Variants in ZSCAN23 observed in about 807,000 individuals in gnomAD.
ZSCAN23 encodes the protein zinc finger and SCAN domain containing 23, also known as zinc finger and SCAN domain-containing protein 23.
In ZSCAN23, 19 loss-of-function variants were observed where a neutral mutation model predicts 19.3. The ratio of observed to expected loss-of-function variants is 0.99; its 90% CI spans 0.69 to 1.45. ZSCAN23 has a LOEUF of 1.45. Among genes scored for constraint, ZSCAN23 ranks in the 40% most tolerant of loss-of-function variants. The pLI is 0.00. For synonymous variants in ZSCAN23, 140 were observed against 166.2 expected, an observed-to-expected ratio of 0.84 and a Z score of 1.21; for missense variants, 372 against 462.5, an observed-to-expected ratio of 0.80 and a Z score of 1.79.
chr6:28,438,307 G>C (rs183399717), intron 1 of ZSCAN23, among the ~76,000 whole-genome samples: 2 of 152,114 alleles, frequency 1.3e-5, no homozygotes, highest in Non-Finnish European at 2.9e-5. Context: ...ATGTTGGCCA[G>C]GCTGGTCTCG....
At chr6:28,439,102 CT>C (rs548029754) in intron 1 of ZSCAN23, among the ~76,000 whole-genome samples, 299 of 145,306 alleles carry the variant, frequency 2.1e-3, no homozygotes, top group Admixed American at 3.7e-3. Context: ...TTTTCCCCCA[CT>C]TTTTTTTTTT....
At chr6:28,425,270 GC>G in the ZSCAN23 span, among the ~76,000 whole-genome samples, 3 of 152,144 alleles carry the variant, frequency 2.0e-5, no homozygotes, top group African/African-American at 7.2e-5. Context: ...TATCGTCCAG[GC>G]TTTGTTGTTC....
chr6:28,427,440 T>C (rs903522714), downstream of ZSCAN23, among the ~76,000 whole-genome samples: 33 of 152,238 alleles, frequency 2.2e-4, 1 homozygote, highest in Admixed American at 2.1e-3. Flanking sequence ...TATCATAGAC[T>C]GTACTTCCAC....
Position 28,434,958 on chromosome 6 carries a change from T to A in ZSCAN23, c.677A>T (p.Tyr226Phe). The A allele has an allele frequency of 6.4e-7, 1 of 1,551,922 alleles. No individual in the cohort carries two copies. Among genetic ancestry groups the A allele is most frequent in the Non-Finnish European group, 8.7e-7 (1 of 1,147,058 alleles). The change falls in exon 4 of 4, where the codon TAT becomes TTT. Residue 226 changes from tyrosine to phenylalanine, a missense_variant. Tyr to Phe is a conservative substitution (Grantham distance 22, BLOSUM62 3). Coordinates refer to ENST00000289788, the MANE Select transcript of ZSCAN23 (RefSeq NM_001012455.2). ...GCCCTCACGGTCACAGGTATCTCCATACTCAGGAATCTGAGTAATATTACC... is the reference window on the plus strand; with the variant it reads ...GCCCTCACGGTCACAGGTATCTCCAAACTCAGGAATCTGAGTAATATTACC... Reference protein sequence around the residue: ...QNGNITQIPEYGDTCDREGRL... With the variant: ...QNGNITQIPEFGDTCDREGRL...
chr6:28,424,936 CAGA>C, the ZSCAN23 span, among the ~76,000 whole-genome samples: 1 of 152,160 alleles, frequency 6.6e-6, no homozygotes, highest in Admixed American at 6.5e-5. Flanking sequence ...GAATCCTCTC[CAGA>C]AGGTTTTCAA....
At chr6:28,437,428 C>A in intron 1 of ZSCAN23, among the ~76,000 whole-genome samples, 1 of 152,014 alleles carries the variant, frequency 6.6e-6, no homozygotes, top group East Asian at 1.9e-4. Context: ...CTAAAAAATA[C>A]AAAAATTAGC....
chr6:28,428,302 T>A (rs1405603574), downstream of ZSCAN23, among the ~76,000 whole-genome samples: 1 of 152,156 alleles, frequency 6.6e-6, no homozygotes, highest in Non-Finnish European at 1.5e-5. Flanking sequence ...CACCAAAAAT[T>A]CATCATTTTC....
intron 1 of ZSCAN23, among the ~76,000 whole-genome samples, chr6:28,436,757 A>G (rs1293672484): frequency 6.6e-6 from 1 of 152,182 alleles, no homozygotes; most frequent in African/African-American, 2.4e-5. Context: ...AGTAAAGAAT[A>G]TAAAAAGAAT....
chr6:28,430,819 T>C (rs978666014), downstream of ZSCAN23, among the ~76,000 whole-genome samples: 1 of 152,210 alleles, frequency 6.6e-6, no homozygotes, highest in Non-Finnish European at 1.5e-5. Context: ...TGATAAATTA[T>C]GAAACTACTT....
chr6:28,424,552 C>T, the ZSCAN23 span, among the ~76,000 whole-genome samples: 1 of 152,198 alleles, frequency 6.6e-6, no homozygotes, highest in African/African-American at 2.4e-5. Flanking sequence ...TCAAACTCTG[C>T]CACTGCTTTA....
In ZSCAN23 at chr6:28,434,728, T is replaced by C; in HGVS notation, c.907A>G (p.Lys303Glu). The change falls in exon 4 of 4, where the codon AAG (lysine) becomes GAG (glutamate). Residue 303 changes from lysine to glutamate, a missense_variant. Transcript: ENST00000289788. Reference sequence around the variant, plus strand: ...CCACAAACACTGCACTGGTAGCGCTTCTCCCCAGTGTGGAGTCTCTGGTGC... The same window carrying C: ...CCACAAACACTGCACTGGTAGCGCTCCTCCCCAGTGTGGAGTCTCTGGTGC... ...FQHQRLHTGE[K>E]RYQCSVCGKA... The C allele has an allele frequency of 6.2e-7, 1 of 1,600,200 alleles. No homozygotes were observed. Among genetic ancestry groups the C allele is most frequent in the African/African-American group, 1.3e-5 (1 of 74,642 alleles).
downstream of ZSCAN23, among the ~76,000 whole-genome samples, chr6:28,430,478 C>T (rs1472868642): frequency 6.6e-6 from 1 of 152,208 alleles, no homozygotes; most frequent in Non-Finnish European, 1.5e-5. Flanking sequence ...CAATAATCAA[C>T]ACCCACCTGA....
intron 1 of ZSCAN23, among the ~76,000 whole-genome samples, chr6:28,443,151 T>C (rs1762036767): frequency 6.6e-6 from 1 of 152,144 alleles, no homozygotes; most frequent in Non-Finnish European, 1.5e-5. Flanking sequence ...GTGCCATCAG[T>C]ACAGGGCAGA....
the ZSCAN23 span, among the ~76,000 whole-genome samples, chr6:28,426,182 A>T: frequency 6.6e-6 from 1 of 152,234 alleles, no homozygotes; most frequent in Non-Finnish European, 1.5e-5. Flanking sequence ...ACTTCCTTCA[A>T]GAACTTTTCC....
rs778737763 is a variant in ZSCAN23, at chr6:28,435,918, C to G, written c.349G>C (p.Glu117Gln). The change falls in exon 2 of 4, where the codon GAG becomes CAG. Residue 117 changes from glutamate to glutamine, a missense_variant. Transcript: ENST00000289788. Reference protein sequence around the residue: ...WVRQHRPVSGEEAVTVLEDLE... With the variant: ...WVRQHRPVSGQEAVTVLEDLE... ...TCCTCCAGCACAGTCACTGCCTCCT[C>G]TCCACTCACAGGACGGTGCTGTCTG... 3.1e-6 allele frequency: 5 copies of G among 1,613,878 alleles called. No homozygotes were observed. In the South Asian group the frequency reaches 4.4e-5, roughly 14 times the overall value.
At chr6:28,438,499 C>A (rs1266952889) in intron 1 of ZSCAN23, among the ~76,000 whole-genome samples, 2 of 152,148 alleles carry the variant, frequency 1.3e-5, no homozygotes, top group Non-Finnish European at 1.5e-5. Context: ...AAGACATACC[C>A]AAGACTGGGT....
intron 1 of ZSCAN23, among the ~76,000 whole-genome samples, chr6:28,439,469 C>T (rs1185545077): frequency 2.0e-5 from 3 of 152,140 alleles, no homozygotes; most frequent in Admixed American, 6.5e-5. Context: ...ATACACCATT[C>T]ATTCACTTGG....
intron 1 of ZSCAN23, among the ~76,000 whole-genome samples, chr6:28,441,490 G>A (rs1292839318): frequency 6.6e-6 from 1 of 152,076 alleles, no homozygotes; most frequent in East Asian, 1.9e-4. Context: ...TCTGCAGCTT[G>A]ATTCAAATCT....
chr6:28,432,631 G>C (rs1761781993), downstream of ZSCAN23: 1 of 152,008 alleles, frequency 6.6e-6, no homozygotes, highest in African/African-American at 2.4e-5. Flanking sequence ...GACTAAACTG[G>C]GGAAAAGAAT....
Sources: gnomAD v4.1 joint callset for allele counts (sites outside exome capture counted in the v4.1 genomes callset) on GRCh38, gnomAD v4.1.1 for gene constraint, MANE v1.5 for transcripts, NCBI Gene and HGNC (gene_info 2026-07-23, HGNC 2026-07-21) for gene names.